SNTG2: variants seen among roughly 807,000 people sequenced by gnomAD.
SNTG2 encodes the protein syntrophin gamma 2.
Under a neutral mutation model 70.9 loss-of-function variants are expected in SNTG2, and 74 were observed. That is an observed-to-expected ratio of 1.04 (90% CI 0.86 to 1.27). The LOEUF (loss-of-function observed/expected upper bound fraction) is 1.27, where lower values mean the gene tolerates loss of function less well. Among genes scored for constraint, SNTG2 ranks in the 50% most tolerant of loss-of-function variants. The pLI, the probability that SNTG2 is intolerant of heterozygous loss-of-function variation, is 0.00. For missense variants in SNTG2, 717 were observed against 690.7 expected, an observed-to-expected ratio of 1.04 and a Z score of -0.43; for synonymous variants, 278 against 273.8, an observed-to-expected ratio of 1.02 and a Z score of -0.15.
At chr2:1,043,244 G>T (rs1045477669) in intron 1 of SNTG2, among the ~76,000 whole-genome samples, 2 of 151,796 alleles carry the variant, frequency 1.3e-5, no homozygotes, top group Non-Finnish European at 2.9e-5. Flanking sequence ...TAGATTTGTT[G>T]AAGTTTCCTA....
intron 1 of SNTG2, among the ~76,000 whole-genome samples, chr2:1,014,641 G>T (rs1350613911): frequency 7.4e-6 from 1 of 135,720 alleles, no homozygotes; most frequent in South Asian, 2.4e-4. Flanking sequence ...GAGAAGGGTG[G>T]TCTGTAGAGG....
intron 12 of SNTG2, among the ~76,000 whole-genome samples, chr2:1,258,827 C>G (rs9330339): frequency 0.3 from 45,467 of 151,966 alleles, 7,561 homozygotes; most frequent in African/African-American, 0.45. Context: ...ACTACAACAG[C>G]TCAGACCAAC....
intron 4 of SNTG2, among the ~76,000 whole-genome samples, chr2:1,124,540 C>T (rs1222637623): frequency 1.3e-5 from 2 of 152,128 alleles, no homozygotes; most frequent in African/African-American, 4.8e-5. Context: ...TCATGATCCT[C>T]CCACCTTAGC....
chr2:981,640 C>T (rs11127539), intron 1 of SNTG2, among the ~76,000 whole-genome samples: 46,240 of 151,978 alleles, frequency 0.3, 7,400 homozygotes, highest in Middle Eastern at 0.41. Flanking sequence ...GGTGCACAGA[C>T]GTGTGCTCAT....
intron 1 of SNTG2, among the ~76,000 whole-genome samples, chr2:957,736 C>T (rs571179811): frequency 1.2e-4 from 19 of 152,050 alleles, no homozygotes; most frequent in African/African-American, 3.9e-4. Flanking sequence ...GAGACTGAGA[C>T]GGGAGAGATG....
intron 9 of SNTG2, among the ~76,000 whole-genome samples, chr2:1,232,121 C>G (rs964558879): frequency 1.3e-5 from 2 of 152,018 alleles, no homozygotes; most frequent in African/African-American, 4.8e-5. Flanking sequence ...CAGCACTGCC[C>G]GGGGAAGTGA....
chr2:1,245,791 AG>A (rs1677388063), intron 11 of SNTG2, among the ~76,000 whole-genome samples: 1 of 152,240 alleles, frequency 6.6e-6, no homozygotes, highest in Non-Finnish European at 1.5e-5. Context: ...ATTACACATC[AG>A]TGGCTTTTCC....
intron 6 of SNTG2, among the ~76,000 whole-genome samples, chr2:1,155,964 G>C (rs1430260920): frequency 1.3e-5 from 2 of 152,188 alleles, no homozygotes; most frequent in Non-Finnish European, 2.9e-5. Context: ...CCAGCAGACA[G>C]AGGGGACACC....
At position 1,353,457 on chromosome 2, in the gene SNTG2, A is replaced by G. The variant is rs1660689688; in HGVS notation, c.1489-13886A>G. Among the ~76,000 whole-genome samples, 1 of 152,168 alleles carries G rather than the reference A, an allele frequency of 6.6e-6. No individual in the cohort carries two copies. Among genetic ancestry groups the G allele is most frequent in the Non-Finnish European group, 1.5e-5 (1 of 68,038 alleles). Reference sequence around the variant, plus strand: ...TCTTGGGCTTATTCTAAGACAAACTACAAAGCATCCTCGCTTATTCCAGGT... The same window carrying G: ...TCTTGGGCTTATTCTAAGACAAACTGCAAAGCATCCTCGCTTATTCCAGGT... On this transcript the variant is annotated intron_variant, in intron 16 of 16. Coordinates refer to ENST00000308624, the MANE Select transcript of SNTG2 (RefSeq NM_018968.4). The surrounding 1 kb of genome is among the most constrained non-coding windows in gnomAD (Gnocchi z 4.2).
chr2:1,176,842 G>C (rs1020453185), intron 8 of SNTG2, among the ~76,000 whole-genome samples: 1 of 152,044 alleles, frequency 6.6e-6, no homozygotes, highest in Non-Finnish European at 1.5e-5. Flanking sequence ...AGATGATGTC[G>C]AGGTTGCAGA....
intron 12 of SNTG2, among the ~76,000 whole-genome samples, chr2:1,253,031 C>T (rs1011754234): frequency 6.6e-6 from 1 of 152,178 alleles, no homozygotes; most frequent in East Asian, 1.9e-4. Flanking sequence ...ACATCAGTAT[C>T]TTAAATGTAT....
At chr2:1,130,531 A>G (rs73168774) in intron 4 of SNTG2, among the ~76,000 whole-genome samples, 2,713 of 152,320 alleles carry the variant, frequency 0.018, 94 homozygotes, top group African/African-American at 0.061. Context: ...TTTTTGATAC[A>G]TCATCACAGT....
intron 1 of SNTG2, among the ~76,000 whole-genome samples, chr2:986,115 A>T (rs1015157356): frequency 1.9e-5 from 2 of 107,728 alleles, no homozygotes; most frequent in Non-Finnish European, 4.1e-5. Context: ...GAGAGATCAG[A>T]GGATTTCCCA....
At chr2:1,302,312 A>G (rs1402222042) in intron 14 of SNTG2, among the ~76,000 whole-genome samples, 1 of 152,136 alleles carries the variant, frequency 6.6e-6, no homozygotes, top group Non-Finnish European at 1.5e-5. Context: ...ACACTGTCTG[A>G]TGTGATTCTA....
At chr2:1,029,338 G>A (rs1660682328) in intron 1 of SNTG2, among the ~76,000 whole-genome samples, 1 of 152,020 alleles carries the variant, frequency 6.6e-6, no homozygotes, top group African/African-American at 2.4e-5. Flanking sequence ...ATATTGCAGT[G>A]GTACAAGAAA....
At chr2:1,010,472 A>G (rs946423483) in intron 1 of SNTG2, among the ~76,000 whole-genome samples, 1 of 152,208 alleles carries the variant, frequency 6.6e-6, no homozygotes, top group Non-Finnish European at 1.5e-5. Flanking sequence ...CCTCTGGTCA[A>G]AATCACTCAA....
intron 8 of SNTG2, among the ~76,000 whole-genome samples, chr2:1,176,071 A>C (rs1671455054): frequency 6.6e-6 from 1 of 152,192 alleles, no homozygotes; most frequent in African/African-American, 2.4e-5. Context: ...TAATGCTTGG[A>C]ATATGTCATC....
intron 1 of SNTG2, among the ~76,000 whole-genome samples, chr2:1,020,667 GTGTTT>G (rs1362128524): frequency 2.0e-5 from 3 of 151,810 alleles, no homozygotes; most frequent in Non-Finnish European, 2.9e-5. Context: ...ATTTATCTTT[GTGTTT>G]TGTTCTTGCT....
chr2:1,149,827 A>C (rs1669357074), intron 6 of SNTG2, among the ~76,000 whole-genome samples: 3 of 151,412 alleles, frequency 2.0e-5, no homozygotes, highest in Admixed American at 2.0e-4. Flanking sequence ...AGCTGGGACT[A>C]CAGGCTCCCG....
Sources: allele counts gnomAD v4.1 joint callset (sites outside exome capture counted in the v4.1 genomes callset), GRCh38; gene constraint gnomAD v4.1.1; non-coding constraint Gnocchi (gnomAD v3.1); transcripts MANE v1.5; gene names NCBI Gene and HGNC (gene_info 2026-07-23, HGNC 2026-07-21).